CELF2: variants seen among roughly 807,000 people sequenced by gnomAD.
The protein encoded by CELF2 is CUG triplet repeat RNA-binding protein 2.
A neutral mutation model predicts 62.6 loss-of-function variants in CELF2; 8 were observed. The ratio of observed to expected loss-of-function variants is 0.13; its 90% CI spans 0.07 to 0.23. CELF2 has a LOEUF of 0.23. CELF2 is among the 10% of genes least tolerant of loss of function. The pLI, the probability that CELF2 is intolerant of heterozygous loss-of-function variation, is 1.00. For synonymous variants in CELF2, 258 were observed against 250.0 expected (o/e 1.03, Z -0.30); for missense variants, 333 against 671.0 (o/e 0.50, Z 5.56).
At chr10:10,678,836 T>C in the CELF2 span, among the ~76,000 whole-genome samples, 1 of 152,206 alleles carries the variant, frequency 6.6e-6, no homozygotes, top group African/African-American at 2.4e-5. Context: ...ATCTGAGCTT[T>C]CGAAGTCATT....
At chr10:10,550,032 C>T in the CELF2 span, among the ~76,000 whole-genome samples, 1 of 152,144 alleles carries the variant, frequency 6.6e-6, no homozygotes, top group South Asian at 2.1e-4. Flanking sequence ...GTCACTGACT[C>T]CCTGCACAAT....
the CELF2 span, among the ~76,000 whole-genome samples, chr10:10,578,393 T>C: frequency 6.6e-6 from 1 of 152,216 alleles, no homozygotes; most frequent in Non-Finnish European, 1.5e-5. Context: ...ATTTTGGCTT[T>C]TGTTGCCACT....
chr10:11,088,564 C>CGGCGTGCATACCCCTGCTTACCT (rs55706560), intron 1 of CELF2, among the ~76,000 whole-genome samples: 1 of 151,860 alleles, frequency 6.6e-6, no homozygotes, highest in African/African-American at 2.4e-5. Context: ...CTAGCAGAGC[C>CGGCGTGCATACCCCTGCTTACCT]GGATTTCTCA....
the CELF2 span, among the ~76,000 whole-genome samples, chr10:10,530,778 G>A: frequency 6.6e-6 from 1 of 152,176 alleles, no homozygotes; most frequent in Non-Finnish European, 1.5e-5. Context: ...TTTCTGAAGT[G>A]GCCAATATGT....
In CELF2 at chr10:11,267,029, G is replaced by A. The variant is rs1481748730; in HGVS notation, c.618+352G>A. Reference sequence around the variant, plus strand: ...CAAATACATTCCCCACACCGGGGTCGGTGCGGATGAAACAGTAACAGCCTC... The same window carrying A: ...CAAATACATTCCCCACACCGGGGTCAGTGCGGATGAAACAGTAACAGCCTC... On this transcript the variant is annotated intron_variant, in intron 6 of 12. Coordinates refer to ENST00000633077, the MANE Select transcript of CELF2 (RefSeq NM_001326342.2). This position sits in a 1 kb window ranked among gnomAD's most constrained non-coding sequence, Gnocchi z 4.4. Among the ~76,000 whole-genome samples the A allele has an allele frequency of 4.6e-5, 7 of 152,132 alleles. No homozygotes were observed. Among genetic ancestry groups the A allele is most frequent in the Non-Finnish European group, 7.4e-5 (5 of 68,008 alleles).
At chr10:10,854,944 G>T (rs1190447973) in intron 1 of CELF2, among the ~76,000 whole-genome samples, 1 of 151,964 alleles carries the variant, frequency 6.6e-6, no homozygotes, top group Non-Finnish European at 1.5e-5. Flanking sequence ...GTCAAGCCTG[G>T]ATGAACAAGT....
At chr10:10,541,506 CA>C in the CELF2 span, among the ~76,000 whole-genome samples, 3 of 152,216 alleles carry the variant, frequency 2.0e-5, no homozygotes, top group African/African-American at 7.2e-5. Flanking sequence ...TTCTTGATTA[CA>C]TGCTAAACAA....
chr10:10,659,998 T>C, the CELF2 span, among the ~76,000 whole-genome samples: 4 of 151,948 alleles, frequency 2.6e-5, no homozygotes, highest in East Asian at 3.9e-4. Flanking sequence ...GATGTGACAA[T>C]AGAAGTTCAG....
At chr10:10,771,342 G>A in the CELF2 span, among the ~76,000 whole-genome samples, 2 of 152,152 alleles carry the variant, frequency 1.3e-5, no homozygotes, top group Non-Finnish European at 2.9e-5. Context: ...TCAGGTTACT[G>A]GTGCCATCTT....
intron 1 of CELF2, chr10:11,097,185 A>G (rs956861825): frequency 5.9e-5 from 9 of 152,346 alleles, no homozygotes; most frequent in East Asian, 1.9e-4. Flanking sequence ...CAACAAAAGT[A>G]GAGCTGCCCA....
the CELF2 span, among the ~76,000 whole-genome samples, chr10:10,556,187 C>A: frequency 6.6e-6 from 1 of 152,110 alleles, no homozygotes; most frequent in Non-Finnish European, 1.5e-5. Context: ...CCTCCCTCCC[C>A]CCACCACATC....
chr10:10,964,078 T>C (rs549056678), intron 2 of CELF2, among the ~76,000 whole-genome samples: 5 of 152,220 alleles, frequency 3.3e-5, no homozygotes, highest in African/African-American at 9.6e-5. Flanking sequence ...ATTAGCATTA[T>C]AAAGCATGGT....
intron 2 of CELF2, among the ~76,000 whole-genome samples, chr10:10,968,484 C>T (rs2050391858): frequency 6.6e-6 from 1 of 152,108 alleles, no homozygotes; most frequent in Non-Finnish European, 1.5e-5. Flanking sequence ...GAAATGAGCA[C>T]TTATTGTTTC....
the CELF2 span, among the ~76,000 whole-genome samples, chr10:10,534,238 A>G: frequency 3.1e-3 from 470 of 151,856 alleles, 5 homozygotes; most frequent in African/African-American, 0.011. Flanking sequence ...AAGAAAAAGA[A>G]AAAGAGAGAG....
the CELF2 span, among the ~76,000 whole-genome samples, chr10:10,778,961 CT>C: frequency 6.6e-6 from 1 of 152,076 alleles, no homozygotes; most frequent in Non-Finnish European, 1.5e-5. Flanking sequence ...ACAATCAGGC[CT>C]AACTAATGAA....
rs2064401291 is a variant in CELF2, at chr10:11,156,427, C to T, written c.75-9059C>T. Among the ~76,000 whole-genome samples the T allele has an allele frequency of 6.6e-6, 1 of 152,116 alleles. No individual in the cohort carries two copies. Among genetic ancestry groups the T allele is most frequent in the African/African-American group, 2.4e-5 (1 of 41,402 alleles). On this transcript the variant is annotated intron_variant, in intron 1 of 12. Coordinates refer to ENST00000633077, the MANE Select transcript of CELF2 (RefSeq NM_001326342.2). This position sits in a 1 kb window ranked among gnomAD's most constrained non-coding sequence, Gnocchi z 4.3. ...CCGTCCAGACGAGGCCTTCCCTGACCACCTTATTTAATATTGCAGCCCTCT... is the reference window on the plus strand; with the variant it reads ...CCGTCCAGACGAGGCCTTCCCTGACTACCTTATTTAATATTGCAGCCCTCT...
the CELF2 span, among the ~76,000 whole-genome samples, chr10:10,476,126 C>G: frequency 6.6e-6 from 1 of 152,080 alleles, no homozygotes; most frequent in Non-Finnish European, 1.5e-5. Context: ...TTTCCTCAAA[C>G]TCAAGAACAT....
chr10:10,700,155 C>T, the CELF2 span, among the ~76,000 whole-genome samples: 1 of 152,024 alleles, frequency 6.6e-6, no homozygotes, highest in African/African-American at 2.4e-5. Context: ...CATTGCATCT[C>T]GATATGGATA....
chr10:10,698,839 C>G, the CELF2 span, among the ~76,000 whole-genome samples: 3 of 152,200 alleles, frequency 2.0e-5, no homozygotes, highest in Non-Finnish European at 4.4e-5. Flanking sequence ...CACCCACACA[C>G]TGTCATCACC....
Sources: allele counts gnomAD v4.1 joint callset (sites outside exome capture counted in the v4.1 genomes callset), GRCh38; gene constraint gnomAD v4.1.1; non-coding constraint Gnocchi (gnomAD v3.1); transcripts MANE v1.5; gene names NCBI Gene and HGNC (gene_info 2026-07-23, HGNC 2026-07-21).